MAX: variants seen among roughly 807,000 people sequenced by gnomAD.
MAX encodes MYC associated transcriptional regulator X.
Under a neutral mutation model 22.3 loss-of-function variants are expected in MAX, and 3 were observed. The observed-to-expected ratio is 0.13, with a 90% confidence interval of 0.06 to 0.35. The LOEUF is 0.35. Ranked by LOEUF, MAX falls within the 10% of genes least tolerant of loss-of-function variation. The probability of loss-of-function intolerance (pLI) is 1.00; values close to 1 mark genes in which losing one functional copy is unlikely to be tolerated. For synonymous variants in MAX, 72 were observed against 77.7 expected, an observed-to-expected ratio of 0.93 and a Z score of 0.39; for missense variants, 119 against 209.4, an observed-to-expected ratio of 0.57 and a Z score of 2.66.
chr14:65,048,581 G>A (rs2062539241), intron 3 of MAX, among the ~76,000 whole-genome samples: 1 of 152,160 alleles, frequency 6.6e-6, no homozygotes. Flanking sequence ...TGCTGGACAT[G>A]GTGGTTCATG....
chr14:65,015,434 T>TTTA (rs2061753837), intron 3 of MAX: 1 of 269,106 alleles, frequency 3.7e-6, no homozygotes. Context: ...TTTTTTTTTT[T>TTTA]AACAGATGGT....
intron 3 of MAX, among the ~76,000 whole-genome samples, chr14:65,017,566 AATGTCAC>A (rs2061801055): frequency 1.3e-5 from 2 of 152,184 alleles, no homozygotes; most frequent in Admixed American, 1.3e-4. Flanking sequence ...CTTCTGGGGC[AATGTCAC>A]ATAGGAAGAG....
At chr14:65,090,120 C>A (rs2063460702) in intron 3 of MAX, 1 of 152,176 alleles carries the variant, frequency 6.6e-6, no homozygotes, top group African/African-American at 2.4e-5. Context: ...GTGTTACCTA[C>A]ATACGCCACC....
chr14:65,036,095 A>G (rs1039098899), intron 3 of MAX, among the ~76,000 whole-genome samples: 3 of 151,892 alleles, frequency 2.0e-5, no homozygotes, highest in African/African-American at 7.3e-5. Flanking sequence ...AGCCCCACAA[A>G]GTGTTGGAAT....
chr14:65,073,808 G>A (rs2063012563), downstream of MAX, among the ~76,000 whole-genome samples: 2 of 152,188 alleles, frequency 1.3e-5, no homozygotes, highest in South Asian at 4.1e-4. Context: ...CCAGGAAGCT[G>A]CTTCCAGTGG....
At chr14:65,038,635 T>G (rs933184203) in intron 3 of MAX, among the ~76,000 whole-genome samples, 4 of 152,068 alleles carry the variant, frequency 2.6e-5, no homozygotes, top group African/African-American at 4.8e-5. Context: ...GGAGAATCAC[T>G]TGAACCCAGG....
At chr14:65,075,004 G>C (rs1205826380), downstream of MAX, 1 of 952,388 alleles carries the variant, frequency 1.0e-6, no homozygotes, top group South Asian at 4.9e-5. This position sits in a 1 kb window ranked among gnomAD's most constrained non-coding sequence, Gnocchi z 4.1. Context: ...TCCTGGTTCT[G>C]CAAGACCGGG....
At position 65,027,900 on chromosome 14, in the gene MAX, T is replaced by A. The variant is rs2062013064; in HGVS notation, c.172-21616A>T. On this transcript the variant is annotated intron_variant, in intron 3 of 3. Transcript: ENST00000341653. The surrounding 1 kb of genome is among the most constrained non-coding windows in gnomAD (Gnocchi z 5.7). ...TGCTGCTTTGTCCCAGAATGACACATGGGATGACATGTCAGTGACACGTCA... is the reference window on the plus strand; with the variant it reads ...TGCTGCTTTGTCCCAGAATGACACAAGGGATGACATGTCAGTGACACGTCA... The A allele has an allele frequency of 7.8e-7, 1 of 1,289,746 alleles. No homozygotes were observed. Among genetic ancestry groups the A allele is most frequent in the South Asian group, 1.3e-5 (1 of 75,782 alleles). 79.9% of individuals were successfully genotyped at this position (1,289,746 alleles called of 1,614,324 possible).
rs182935418 is a variant in MAX at position 65,093,163 on chromosome 14, C to G, written c.171+545G>C. Among the ~76,000 whole-genome samples, 1 of 152,150 alleles carries G rather than the reference C, an allele frequency of 6.6e-6. No individual in the cohort carries two copies. The highest frequency in any genetic ancestry group is 6.5e-5 in the Admixed American group (1 of 15,274). ...TTTTTTCTGTTTCACATGAACATGT[C>G]TCTTCACTCAAGTCTTTTGTCCCAC... On this transcript the variant is annotated intron_variant, in intron 3 of 4. Coordinates refer to ENST00000358664, the MANE Select transcript of MAX (RefSeq NM_002382.5). The surrounding 1 kb of genome is among the most constrained non-coding windows in gnomAD (Gnocchi z 4.4).
At chr14:65,060,329 C>G (rs1054677698) in intron 3 of MAX, among the ~76,000 whole-genome samples, 4 of 151,712 alleles carry the variant, frequency 2.6e-5, no homozygotes, top group Non-Finnish European at 5.9e-5. Flanking sequence ...TGGCTCACAC[C>G]TGTAACCCCA....
At chr14:65,064,067 A>G (rs1354678894) in intron 3 of MAX, among the ~76,000 whole-genome samples, 1 of 152,198 alleles carries the variant, frequency 6.6e-6, no homozygotes, top group Admixed American at 6.5e-5. Context: ...CGGAGCATAA[A>G]GAGAACCTCA....
chr14:65,076,103 T>C lies in MAX; in HGVS notation c.*373A>G. On this transcript the variant is annotated 3_prime_UTR_variant, in exon 5 of 5. Transcript: ENST00000358664. This position sits in a 1 kb window ranked among gnomAD's most constrained non-coding sequence, Gnocchi z 6.6. ...GGAGGCCACCTGGGCAGGGCAGGCGTCCCCCGGGCATGTGCCCGGCAGGGC... is the reference window on the plus strand; with the variant it reads ...GGAGGCCACCTGGGCAGGGCAGGCGCCCCCCGGGCATGTGCCCGGCAGGGC... The C allele has an allele frequency of 7.9e-7, 1 of 1,271,142 alleles. No homozygotes were observed. The highest frequency in any genetic ancestry group is 9.9e-7 in the Non-Finnish European group (1 of 1,006,000). 78.7% of individuals were successfully genotyped at this position (1,271,142 alleles called of 1,614,324 possible).
chr14:65,059,335 T>C (rs916130053), intron 3 of MAX, among the ~76,000 whole-genome samples: 11 of 150,638 alleles, frequency 7.3e-5, no homozygotes, highest in African/African-American at 2.2e-4. Flanking sequence ...ACTAGCCCCT[T>C]TTTTTTTTTC....
At chr14:65,006,317 A>G (rs760492032) in intron 3 of MAX, 1 of 1,608,766 alleles carries the variant, frequency 6.2e-7, no homozygotes, top group South Asian at 1.1e-5. Flanking sequence ...ATATCAGCTT[A>G]CTAGTATAGT....
intron 3 of MAX, among the ~76,000 whole-genome samples, chr14:65,085,275 C>G (rs958922280): frequency 6.6e-6 from 1 of 152,192 alleles, no homozygotes; most frequent in African/African-American, 2.4e-5. Context: ...AATTGTGACT[C>G]ATGCTAAATT....
chr14:65,036,954 G>T (rs1434582414), intron 3 of MAX, among the ~76,000 whole-genome samples: 1 of 151,892 alleles, frequency 6.6e-6, no homozygotes, highest in Non-Finnish European at 1.5e-5. Flanking sequence ...GTTTATTCTT[G>T]TTTGGAAACT....
At position 65,013,587 on chromosome 14, in the gene MAX, T is replaced by C. The variant is rs181577713; in HGVS notation, c.172-7303A>G. On this transcript the variant is annotated intron_variant, in intron 3 of 3. Transcript: ENST00000341653. ...ATTTATGAGATGGAGTCTCGCTGTA[T>C]TTCCCAGGCTGGAGTGCAGTGGCAT... Among the ~76,000 whole-genome samples, 65 of 152,348 alleles carry C rather than the reference T, an allele frequency of 4.3e-4. 2 individuals are homozygous for C. In the East Asian group the frequency reaches 8.1e-3, roughly 19 times the overall value.
intron 3 of MAX, among the ~76,000 whole-genome samples, chr14:65,045,755 G>A (rs891406992): frequency 1.3e-5 from 2 of 152,080 alleles, no homozygotes; most frequent in African/African-American, 4.8e-5. Flanking sequence ...CCTTTGAGTT[G>A]TTGAGTTGTG....
At chr14:65,087,718 T>A (rs1377715047) in intron 3 of MAX, among the ~76,000 whole-genome samples, 1 of 152,218 alleles carries the variant, frequency 6.6e-6, no homozygotes, top group Non-Finnish European at 1.5e-5. Flanking sequence ...TTGTCCCAGA[T>A]GAGACTTTGC....
Sources: gnomAD v4.1 joint callset for allele counts (sites outside exome capture counted in the v4.1 genomes callset) on GRCh38, gnomAD v4.1.1 for gene constraint, Gnocchi (gnomAD v3.1) non-coding constraint, MANE v1.5 for transcripts, NCBI Gene and HGNC (gene_info 2026-07-23, HGNC 2026-07-21) for gene names.